The following BTBD10 variants were observed in gnomAD, a reference collection of about 807,000 sequenced individuals.
BTBD10 encodes BTB domain containing 10.
In BTBD10, 21 loss-of-function variants were observed where a neutral mutation model predicts 53.2. The ratio of observed to expected loss-of-function variants is 0.39; its 90% CI spans 0.28 to 0.57. The LOEUF is 0.57. Among genes scored for constraint, BTBD10 ranks in the 20% least tolerant of loss-of-function variants. The pLI is 0.53. For missense variants in BTBD10, 360 were observed against 594.7 expected (o/e 0.61, Z 4.10); for synonymous variants, 149 against 192.7 (o/e 0.77, Z 1.88).
intron 2 of BTBD10, among the ~76,000 whole-genome samples, chr11:13,435,531 C>T (rs570532907): frequency 6.6e-6 from 1 of 152,238 alleles, no homozygotes; most frequent in Non-Finnish European, 1.5e-5. Context: ...CTCGCTCTGT[C>T]GCCCAGGCTG....
chr11:13,456,586 G>C (rs1246525388), intron 1 of BTBD10, among the ~76,000 whole-genome samples: 4 of 151,994 alleles, frequency 2.6e-5, no homozygotes, highest in Non-Finnish European at 5.9e-5. Context: ...AAAAAATAAA[G>C]TTTTAAAAAC....
intron 8 of BTBD10, among the ~76,000 whole-genome samples, chr11:13,389,704 G>A (rs542753230): frequency 3.3e-5 from 5 of 152,278 alleles, no homozygotes; most frequent in Admixed American, 2.0e-4. Context: ...GATTACAGGC[G>A]CAAGCCACCA....
At chr11:13,435,755 T>C (rs1289385008) in intron 2 of BTBD10, among the ~76,000 whole-genome samples, 1 of 152,200 alleles carries the variant, frequency 6.6e-6, no homozygotes, top group Non-Finnish European at 1.5e-5. Context: ...CCTCCCAAAG[T>C]GCTGGAATTA....
intron 1 of BTBD10, among the ~76,000 whole-genome samples, chr11:13,453,191 A>G (rs1486839056): frequency 1.3e-5 from 2 of 152,156 alleles, no homozygotes; most frequent in Non-Finnish European, 2.9e-5. Flanking sequence ...GATACAGAAA[A>G]TATTTCAAAA....
intron 8 of BTBD10, among the ~76,000 whole-genome samples, chr11:13,392,196 G>A (rs930066571): frequency 3.3e-5 from 5 of 152,196 alleles, no homozygotes; most frequent in African/African-American, 1.2e-4. Context: ...AAGCAATAGT[G>A]GAAGCGTAAA....
chr11:13,439,133 C>CA (rs67662670), intron 2 of BTBD10, among the ~76,000 whole-genome samples: 23,936 of 151,492 alleles, frequency 0.16, 2,072 homozygotes, highest in Admixed American at 0.24. Flanking sequence ...CCCAAATGTC[C>CA]AAAAAAATTA....
At chr11:13,436,401 C>T (rs774029131) in intron 2 of BTBD10, among the ~76,000 whole-genome samples, 1 of 152,212 alleles carries the variant, frequency 6.6e-6, no homozygotes, top group Non-Finnish European at 1.5e-5. Context: ...TGTCCCTAGA[C>T]ATTGCCAACA....
intron 2 of BTBD10, among the ~76,000 whole-genome samples, chr11:13,425,912 G>T (rs1197235419): frequency 1.3e-5 from 2 of 152,006 alleles, no homozygotes; most frequent in Admixed American, 1.3e-4. Flanking sequence ...ACACCGAATG[G>T]AATTAATGGG....
chr11:13,447,182 C>T (rs892380909), intron 1 of BTBD10, among the ~76,000 whole-genome samples: 6 of 151,748 alleles, frequency 4.0e-5, no homozygotes, highest in Admixed American at 3.3e-4. Flanking sequence ...TTCTCTCTTT[C>T]TTTGAACTCT....
intron 2 of BTBD10, among the ~76,000 whole-genome samples, chr11:13,422,484 C>A (rs975442742): frequency 6.6e-6 from 1 of 152,038 alleles, no homozygotes; most frequent in Non-Finnish European, 1.5e-5. Context: ...CCTGTCTCTA[C>A]TAAAAACACA....
At chr11:13,417,344 G>A in intron 4 of BTBD10, 84 bp from the exon 5 acceptor site, 3 of 921,840 alleles carry the variant, frequency 3.3e-6, no homozygotes, top group Non-Finnish European at 4.8e-6. Context: ...AAAGAAAAAA[G>A]GAATTATATC....
At chr11:13,418,105 G>C (rs1192495155) in intron 4 of BTBD10, among the ~76,000 whole-genome samples, 1 of 151,978 alleles carries the variant, frequency 6.6e-6, no homozygotes, top group African/African-American at 2.4e-5. Context: ...CTACTCAGTA[G>C]TTTCCTAATT....
intron 1 of BTBD10, among the ~76,000 whole-genome samples, chr11:13,449,613 G>GT (rs1477740315): frequency 6.6e-6 from 1 of 152,146 alleles, no homozygotes; most frequent in Non-Finnish European, 1.5e-5. Flanking sequence ...TTCTGTTGCT[G>GT]TAACAGAATA....
chr11:13,442,200 A>C (rs1410542473), intron 2 of BTBD10, among the ~76,000 whole-genome samples: 1 of 152,168 alleles, frequency 6.6e-6, no homozygotes, highest in Non-Finnish European at 1.5e-5. Flanking sequence ...TCTTTTACTC[A>C]AACATACCTA....
intron 2 of BTBD10, among the ~76,000 whole-genome samples, chr11:13,427,824 T>C (rs1357716145): frequency 2.6e-5 from 4 of 152,178 alleles, no homozygotes; most frequent in African/African-American, 9.6e-5. Flanking sequence ...CAGAGATACC[T>C]AGAAAATTCC....
At chr11:13,399,094 T>G (rs1250375469) in intron 8 of BTBD10, among the ~76,000 whole-genome samples, 4 of 152,178 alleles carry the variant, frequency 2.6e-5, no homozygotes, top group Non-Finnish European at 5.9e-5. Flanking sequence ...ATGTTGGCCT[T>G]CCTTGCTAGA....
chr11:13,424,711 G>T (rs1200276337), intron 2 of BTBD10, among the ~76,000 whole-genome samples: 1 of 152,086 alleles, frequency 6.6e-6, no homozygotes, highest in Non-Finnish European at 1.5e-5. Context: ...AATAACAAGG[G>T]CTGAGTTCAT....
intron 3 of BTBD10, 78 bp from the exon 4 acceptor site, chr11:13,419,823 T>G: frequency 1.6e-6 from 2 of 1,265,346 alleles, no homozygotes; most frequent in East Asian, 2.7e-5. Context: ...TTTTAAATGT[T>G]TGATTTATAA....
intron 1 of BTBD10, among the ~76,000 whole-genome samples, chr11:13,452,744 A>T (rs72857069): frequency 0.11 from 16,236 of 152,236 alleles, 965 homozygotes; most frequent in Middle Eastern, 0.15. Flanking sequence ...GTTTATTAAC[A>T]TTCAAGACCG....
Sources: allele counts gnomAD v4.1 joint callset (sites outside exome capture counted in the v4.1 genomes callset), GRCh38; gene constraint gnomAD v4.1.1; transcripts MANE v1.5; gene names NCBI Gene and HGNC (gene_info 2026-07-23, HGNC 2026-07-21).